Variants in FNDC3A observed in about 807,000 individuals in gnomAD.
FNDC3A encodes fibronectin type III domain containing 3A.
A neutral mutation model predicts 148.9 loss-of-function variants in FNDC3A; 32 were observed. That is an observed-to-expected ratio of 0.21 (90% confidence interval 0.16 to 0.29). The LOEUF is 0.29. Ranked by LOEUF, FNDC3A falls within the 10% of genes least tolerant of loss-of-function variation. The pLI is 1.00. For missense variants in FNDC3A, 1,191 were observed against 1,452.8 expected, an observed-to-expected ratio of 0.82 and a Z score of 2.93; for synonymous variants, 472 against 473.6, an observed-to-expected ratio of 1.00 and a Z score of 0.04.
intron 8 of FNDC3A, 125 bp downstream of exon 8, chr13:49,146,060 A>G: frequency 1.5e-6 from 1 of 651,182 alleles, no homozygotes; most frequent in East Asian, 2.9e-5. Flanking sequence ...AAGTTGGCTA[A>G]TGATAGTGAT....
In FNDC3A at chr13:49,013,621, CGTGTATACATGTATACATGTACAT is replaced by C. The variant is rs1276473089; in HGVS notation, c.99+7357_99+7380del. Among the ~76,000 whole-genome samples the C allele has an allele frequency of 2.4e-3, 364 of 151,102 alleles. 1 individual carries two copies. Among genetic ancestry groups the C allele is most frequent in the Non-Finnish European group, 3.6e-3 (243 of 67,730 alleles). ...ATGTACACGTGTATACATGTGTACA[CGTGTATACATGTATACATGTACAT>C]GTGTATACATGTATACATGTACATA... On this transcript the variant is annotated intron_variant, in intron 2 of 25. Coordinates refer to ENST00000492622, the MANE Select transcript of FNDC3A (RefSeq NM_001079673.2).
At chr13:49,169,482 CT>C (rs1352442826) in intron 10 of FNDC3A, among the ~76,000 whole-genome samples, 1 of 152,170 alleles carries the variant, frequency 6.6e-6, no homozygotes, top group African/African-American at 2.4e-5. Flanking sequence ...CCCCATCATA[CT>C]GATTGTCCCC....
intron 8 of FNDC3A, among the ~76,000 whole-genome samples, chr13:49,149,837 C>T (rs1412632184): frequency 6.6e-6 from 1 of 152,098 alleles, no homozygotes; most frequent in Non-Finnish European, 1.5e-5. Flanking sequence ...TGTTTGAAGA[C>T]TCTTTATTAC....
chr13:49,104,381 AGGCATGGTGGCG>A (rs1880033369), intron 3 of FNDC3A, among the ~76,000 whole-genome samples: 1 of 152,072 alleles, frequency 6.6e-6, no homozygotes, highest in Admixed American at 6.5e-5. Flanking sequence ...AAAATTAGGC[AGGCATGGTGGCG>A]GGCGCCTGTA....
chr13:48,982,488 T>G (rs2137546997), intron 1 of FNDC3A, among the ~76,000 whole-genome samples: 1 of 152,296 alleles, frequency 6.6e-6, no homozygotes, highest in South Asian at 2.1e-4. Flanking sequence ...TTTTAATCAC[T>G]TGAACCTTAC....
intron 9 of FNDC3A, among the ~76,000 whole-genome samples, chr13:49,168,384 A>C (rs1267739190): frequency 2.6e-5 from 4 of 152,178 alleles, no homozygotes. Context: ...ATATATATGC[A>C]CACTCACAGT....
intron 14 of FNDC3A, among the ~76,000 whole-genome samples, chr13:49,185,004 T>C (rs570529926): frequency 6.6e-6 from 1 of 152,090 alleles, no homozygotes; most frequent in South Asian, 2.1e-4. Context: ...AGTACCAAGA[T>C]TTTTTGGGGC....
intron 2 of FNDC3A, among the ~76,000 whole-genome samples, chr13:49,052,915 G>A (rs1183707994): frequency 6.6e-6 from 1 of 152,158 alleles, no homozygotes; most frequent in Non-Finnish European, 1.5e-5. Context: ...GGAGATGAGG[G>A]TGTGGTTCCC....
intron 1 of FNDC3A, among the ~76,000 whole-genome samples, chr13:49,004,271 T>C (rs1235444380): frequency 6.6e-6 from 1 of 152,126 alleles, no homozygotes; most frequent in Non-Finnish European, 1.5e-5. Flanking sequence ...AATGTCTGGT[T>C]TCTAAATGCC....
chr13:49,151,773 C>T (rs913776708), intron 8 of FNDC3A, among the ~76,000 whole-genome samples: 4 of 152,126 alleles, frequency 2.6e-5, no homozygotes, highest in Non-Finnish European at 5.9e-5. Flanking sequence ...GTTCCCGGCC[C>T]TGTGTCCAAG....
At position 49,153,443 on chromosome 13, in the gene FNDC3A, A is replaced by G. The variant is rs1394322385; in HGVS notation, c.977+7508A>G. Among the ~76,000 whole-genome samples, 869 of 152,064 alleles carry G rather than the reference A, an allele frequency of 5.7e-3. 5 individuals are homozygous for G. The highest frequency in any genetic ancestry group is 0.02 in the African/African-American group (824 of 41,486). On this transcript the variant is annotated intron_variant, in intron 8 of 25. Coordinates refer to ENST00000492622, the MANE Select transcript of FNDC3A (RefSeq NM_001079673.2). ...GCCCTTTGTCAGATGAGTAGGTTGC[A>G]AAAATTTTCTCCCATTTTGTAGGTT...
chr13:49,198,283 T>C lies in FNDC3A; in HGVS notation c.2774+18T>C. 6.2e-7 allele frequency: 1 copy of C among 1,610,930 alleles called. No individual in the cohort carries two copies. The highest frequency in any genetic ancestry group is 2.2e-5 in the East Asian group (1 of 44,864). On this transcript the variant is annotated intron_variant, in intron 22 of 25. Coordinates refer to ENST00000492622, the MANE Select transcript of FNDC3A (RefSeq NM_001079673.2). ...ACATACAGGTATACTCTAAAAATTA[T>C]GTTGATTTTTGCCTAGACCAGAGAG...
At chr13:49,198,791 A>G (rs1332798619) in intron 23 of FNDC3A, among the ~76,000 whole-genome samples, 2 of 152,206 alleles carry the variant, frequency 1.3e-5, no homozygotes, top group East Asian at 3.8e-4. Context: ...TTAATGAAGT[A>G]AGTTTTCAAA....
chr13:49,187,038 T>A, intron 15 of FNDC3A, 84 bp from the exon 16 acceptor site: 1 of 939,822 alleles, frequency 1.1e-6, no homozygotes, highest in Non-Finnish European at 1.6e-6. Context: ...TTAAACCTAG[T>A]TTGGTATTCT....
At chr13:49,098,866 G>A (rs1161509205) in intron 3 of FNDC3A, among the ~76,000 whole-genome samples, 2 of 151,996 alleles carry the variant, frequency 1.3e-5, no homozygotes, top group Non-Finnish European at 2.9e-5. Flanking sequence ...GAAAAGAAAG[G>A]TCTCTAAACA....
rs182754918 is a variant in FNDC3A, at chr13:49,177,640, A to G, written c.1531-928A>G. Among the ~76,000 whole-genome samples the G allele has an allele frequency of 3.5e-3, 528 of 152,350 alleles. 1 individual carries two copies. Among genetic ancestry groups the G allele is most frequent in the Non-Finnish European group, 5.7e-3 (386 of 68,026 alleles). On this transcript the variant is annotated intron_variant, in intron 13 of 25. Transcript: ENST00000492622. ...AAAAGTGGAAGCAACCCAAATGTCC[A>G]TCAACAGATAGATGGATAAACAAAA... is the stretch of plus-strand genomic sequence containing the variant.
chr13:49,108,323 G>A (rs1454786631), intron 3 of FNDC3A, among the ~76,000 whole-genome samples: 2 of 152,132 alleles, frequency 1.3e-5, no homozygotes, highest in Non-Finnish European at 2.9e-5. Flanking sequence ...GTAGAGGGTT[G>A]TATGCACATA....
At chr13:49,137,135 CTT>C (rs971594603) in intron 6 of FNDC3A, among the ~76,000 whole-genome samples, 2 of 152,114 alleles carry the variant, frequency 1.3e-5, no homozygotes, top group African/African-American at 4.8e-5. Context: ...CCTATCAAAA[CTT>C]TTTATTTCTC....
chr13:49,126,093 G>T (rs1444744427), intron 4 of FNDC3A, among the ~76,000 whole-genome samples: 2 of 151,792 alleles, frequency 1.3e-5, no homozygotes, highest in African/African-American at 2.4e-5. Flanking sequence ...ACCTCTACAT[G>T]ATGGCCATTT....
Sources: gnomAD v4.1 joint callset for allele counts (sites outside exome capture counted in the v4.1 genomes callset) on GRCh38, gnomAD v4.1.1 for gene constraint, MANE v1.5 for transcripts, NCBI Gene and HGNC (gene_info 2026-07-23, HGNC 2026-07-21) for gene names.